NIPBL: variants seen among roughly 807,000 people sequenced by gnomAD.
The protein encoded by NIPBL is NIPBL cohesin loading factor.
A neutral mutation model predicts 321.8 loss-of-function variants in NIPBL; 19 were observed. The ratio of observed to expected loss-of-function variants is 0.06; its 90% CI spans 0.04 to 0.09. The LOEUF is 0.09. Ranked by LOEUF, NIPBL falls within the 10% of genes least tolerant of loss-of-function variation. The probability of loss-of-function intolerance (pLI) is 1.00; values close to 1 mark genes in which losing one functional copy is unlikely to be tolerated. For missense variants in NIPBL, 2,210 were observed against 3,327.0 expected (o/e 0.66, Z 8.26); for synonymous variants, 1,106 against 1,114.1 (o/e 0.99, Z 0.14).
intron 43 of NIPBL, 135 bp from the exon 44 acceptor site, chr5:37,058,756 C>A: frequency 1.5e-6 from 1 of 676,180 alleles, no homozygotes; most frequent in South Asian, 2.1e-5. Flanking sequence ...ATTACATATC[C>A]AGTTGTTGAT....
chr5:36,908,088 G>C (rs1444036863), intron 1 of NIPBL, among the ~76,000 whole-genome samples: 1 of 152,136 alleles, frequency 6.6e-6, no homozygotes, highest in East Asian at 1.9e-4. Context: ...GAAAGGTAAT[G>C]TGATTAACAC....
chr5:37,044,759 T>C (rs1752800672), intron 36 of NIPBL, 30 bp downstream of exon 36: 2 of 1,498,426 alleles, frequency 1.3e-6, no homozygotes, highest in South Asian at 1.1e-5. Flanking sequence ...TTTAAAATTA[T>C]TCTGCTAGGT....
chr5:37,043,594 C>G (rs974069213), intron 34 of NIPBL, among the ~76,000 whole-genome samples: 2 of 151,738 alleles, frequency 1.3e-5, no homozygotes, highest in South Asian at 4.2e-4. Flanking sequence ...CCTAGCTACT[C>G]GAGAGACTGT....
At chr5:37,043,052 A>G (rs301858) in intron 34 of NIPBL, among the ~76,000 whole-genome samples, 6,207 of 152,044 alleles carry the variant, frequency 0.041, 425 homozygotes, top group African/African-American at 0.14. Context: ...TTTTTTAAAC[A>G]TGCTTATTAG....
At position 36,995,623 on chromosome 5, in the gene NIPBL, T is replaced by G. The variant is rs777678265; in HGVS notation, c.3123T>G (p.Gly1041=). The change falls in exon 11 of 47, where the codon GGT becomes GGG. Residue 1041 remains glycine (G), a splice_region_variant and synonymous_variant. Transcript: ENST00000282516. ...TTTAAATTTACCTTTCATTAATAGGTAGTATAGATCAATCAGTGTTAAAAG... is the reference window on the plus strand; with the variant it reads ...TTTAAATTTACCTTTCATTAATAGGGAGTATAGATCAATCAGTGTTAAAAG... ...IKNKPSKSNK[G]SIDQSVLKEL... The G allele has an allele frequency of 1.2e-6, 2 of 1,604,380 alleles. No individual in the cohort carries two copies. Among genetic ancestry groups the G allele is most frequent in the Admixed American group, 3.3e-5 (2 of 59,934 alleles).
intron 16 of NIPBL, among the ~76,000 whole-genome samples, chr5:37,004,124 C>T (rs895009175): frequency 6.6e-6 from 1 of 152,132 alleles, no homozygotes; most frequent in Non-Finnish European, 1.5e-5. Flanking sequence ...ATGTAAAGCA[C>T]TTAGTGTCTG....
chr5:37,018,539 A>C (rs968969867), intron 24 of NIPBL, among the ~76,000 whole-genome samples: 1 of 152,130 alleles, frequency 6.6e-6, no homozygotes, highest in Non-Finnish European at 1.5e-5. Flanking sequence ...TTCTCCTAGG[A>C]ATCTTGGTTC....
At chr5:36,877,659 C>T (rs145906082) in intron 1 of NIPBL, among the ~76,000 whole-genome samples, 83 of 152,342 alleles carry the variant, frequency 5.4e-4, no homozygotes, top group African/African-American at 1.9e-3. Flanking sequence ...AACAACCTCC[C>T]TTCTTCCCCC....
chr5:36,995,523 G>C, intron 10 of NIPBL, 99 bp from the exon 11 acceptor site: 1 of 781,280 alleles, frequency 1.3e-6, no homozygotes, highest in Non-Finnish European at 2.1e-6. Flanking sequence ...AGTTGATTTA[G>C]AAAACAAATA....
chr5:37,013,186 C>T (rs1332025497), intron 21 of NIPBL, among the ~76,000 whole-genome samples: 1 of 151,260 alleles, frequency 6.6e-6, no homozygotes, highest in Non-Finnish European at 1.5e-5. Flanking sequence ...CCCCCACCTC[C>T]CTCCCGGACG....
At chr5:36,992,097 A>G (rs1745592736) in intron 10 of NIPBL, among the ~76,000 whole-genome samples, 1 of 152,194 alleles carries the variant, frequency 6.6e-6, no homozygotes, top group Admixed American at 6.5e-5. Context: ...GCCAGAGTAT[A>G]GAGTGCACTG....
At chr5:36,956,427 G>A (rs769946653) in intron 3 of NIPBL, among the ~76,000 whole-genome samples, 94 of 151,588 alleles carry the variant, frequency 6.2e-4, no homozygotes, top group Non-Finnish European at 1.2e-3. Flanking sequence ...ACATTATAAT[G>A]GAGAGATATC....
At chr5:37,002,547 T>C in intron 14 of NIPBL, 115 bp from the exon 15 acceptor site, 1 of 726,532 alleles carries the variant, frequency 1.4e-6, no homozygotes, top group Non-Finnish European at 2.5e-6. Context: ...AGAGGCGTCT[T>C]AGGTTATTTG....
At chr5:36,900,636 G>A (rs1200073020) in intron 1 of NIPBL, among the ~76,000 whole-genome samples, 1 of 151,966 alleles carries the variant, frequency 6.6e-6, no homozygotes, top group Non-Finnish European at 1.5e-5. Flanking sequence ...CTAGTACCAA[G>A]CACAGCACCC....
chr5:36,908,229 A>AT (rs1747789123), intron 1 of NIPBL, among the ~76,000 whole-genome samples: 1 of 152,194 alleles, frequency 6.6e-6, no homozygotes, highest in Non-Finnish European at 1.5e-5. Flanking sequence ...GGATAAAGAG[A>AT]TGAGATTACC....
At chr5:37,006,098 A>T (rs920859078) in intron 16 of NIPBL, among the ~76,000 whole-genome samples, 1 of 152,154 alleles carries the variant, frequency 6.6e-6, no homozygotes, top group East Asian at 1.9e-4. Context: ...CACACAAAGG[A>T]TATAAAGATA....
At chr5:37,025,695 G>A (rs1750184721) in intron 30 of NIPBL, among the ~76,000 whole-genome samples, 1 of 152,074 alleles carries the variant, frequency 6.6e-6, no homozygotes, top group Non-Finnish European at 1.5e-5. Flanking sequence ...GAAATGGTAA[G>A]TGCTTGAGGC....
intron 10 of NIPBL, among the ~76,000 whole-genome samples, chr5:36,990,253 C>T (rs926652846): frequency 4.6e-5 from 7 of 152,130 alleles, no homozygotes; most frequent in Non-Finnish European, 7.4e-5. Context: ...CGACAGTGAT[C>T]GCACTTCAGT....
intron 20 of NIPBL, 149 bp from the exon 21 acceptor site, chr5:37,009,938 A>T (rs1275962834): frequency 4.6e-6 from 3 of 651,636 alleles, no homozygotes; most frequent in South Asian, 3.7e-5. Context: ...GCTAACTTAC[A>T]ACAAATAATT....
Sources: gnomAD v4.1 joint callset for allele counts (sites outside exome capture counted in the v4.1 genomes callset) on GRCh38, gnomAD v4.1.1 for gene constraint, MANE v1.5 for transcripts, NCBI Gene and HGNC (gene_info 2026-07-23, HGNC 2026-07-21) for gene names.